The following CA10 variants were observed in gnomAD, a reference collection of about 807,000 sequenced individuals.
The protein encoded by CA10 is carbonic anhydrase-related protein 10.
A neutral mutation model predicts 44.2 loss-of-function variants in CA10; 14 were observed. The observed-to-expected ratio is 0.32, with a 90% CI of 0.21 to 0.50. The LOEUF (loss-of-function observed/expected upper bound fraction) is 0.50. CA10 is among the 20% of genes least tolerant of loss of function. The pLI, the probability that CA10 is intolerant of heterozygous loss-of-function variation, is 0.99. For synonymous variants in CA10, 159 were observed against 141.6 expected (o/e 1.12, Z -0.87); for missense variants, 350 against 409.7 (o/e 0.85, Z 1.26).
At chr17:51,786,214 C>G (rs7225815) in intron 3 of CA10, among the ~76,000 whole-genome samples, 17,266 of 147,964 alleles carry the variant, frequency 0.12, 1,333 homozygotes, top group African/African-American at 0.23. Flanking sequence ...CTTTGTGTGT[C>G]TGTGTGTGTG....
chr17:52,141,425 G>A (rs1205225526), intron 1 of CA10, among the ~76,000 whole-genome samples: 3 of 152,148 alleles, frequency 2.0e-5, no homozygotes, highest in African/African-American at 4.8e-5. Flanking sequence ...ATCCCTTACT[G>A]AAGAAAAAAT....
At chr17:51,870,630 G>A (rs1372767860) in intron 3 of CA10, among the ~76,000 whole-genome samples, 1 of 152,200 alleles carries the variant, frequency 6.6e-6, no homozygotes, top group East Asian at 1.9e-4. Flanking sequence ...TATTATATAT[G>A]AGCACTTATT....
At chr17:51,681,916 G>T (rs1048923655) in intron 4 of CA10, among the ~76,000 whole-genome samples, 1 of 152,140 alleles carries the variant, frequency 6.6e-6, no homozygotes, top group African/African-American at 2.4e-5. Context: ...GTGGGAACAT[G>T]GGGTATTTGA....
chr17:52,004,908 C>T lies in CA10; in HGVS notation c.136+67411G>A, dbSNP rs1985545766. 5.9e-5 allele frequency among the ~76,000 whole-genome samples: 9 copies of T among 151,978 alleles called. No homozygotes were observed. The South Asian group carries it at 1.9e-3, about 31-fold the overall frequency. ...TATTTTTAGCCTCTGAAGAAATTTG[C>T]TAATTGTTCTCAGACATCCAAAGCT... is the stretch of plus-strand genomic sequence containing the variant. On this transcript the variant is annotated intron_variant, in intron 2 of 8. Coordinates refer to ENST00000451037, the MANE Select transcript of CA10 (RefSeq NM_020178.5).
intron 4 of CA10, among the ~76,000 whole-genome samples, chr17:51,682,774 G>A (rs1914886637): frequency 2.0e-5 from 3 of 149,458 alleles, no homozygotes; most frequent in Admixed American, 6.8e-5. Flanking sequence ...ATGGAAAGAC[G>A]GAACACGCCC....
At chr17:52,006,096 A>C (rs963585716) in intron 2 of CA10, among the ~76,000 whole-genome samples, 3 of 151,866 alleles carry the variant, frequency 2.0e-5, no homozygotes, top group African/African-American at 7.2e-5. Flanking sequence ...CACATACTAT[A>C]AAATCGCTGA....
At chr17:52,023,110 C>T (rs1986193619) in intron 2 of CA10, among the ~76,000 whole-genome samples, 1 of 151,970 alleles carries the variant, frequency 6.6e-6, no homozygotes, top group Admixed American at 6.6e-5. Context: ...AATATCAATC[C>T]TAAAATTCAT....
chr17:51,966,223 G>A (rs527584291), intron 2 of CA10, among the ~76,000 whole-genome samples: 16 of 151,706 alleles, frequency 1.1e-4, no homozygotes, highest in South Asian at 6.2e-4. Flanking sequence ...TGACACAGAC[G>A]GAAGAACATT....
At chr17:52,050,902 A>G (rs1987046364) in intron 2 of CA10, among the ~76,000 whole-genome samples, 3 of 152,002 alleles carry the variant, frequency 2.0e-5, no homozygotes, top group Non-Finnish European at 4.4e-5. Context: ...GGACAAGACC[A>G]TATTTGTTTT....
chr17:52,087,014 CCTAT>C (rs1229137082), intron 1 of CA10, among the ~76,000 whole-genome samples: 1 of 152,174 alleles, frequency 6.6e-6, no homozygotes, highest in Non-Finnish European at 1.5e-5. Flanking sequence ...CCTCCTACAA[CCTAT>C]CTCTTTCCCC....
Position 51,885,813 on chromosome 17 carries a change from C to T in CA10, c.279+45177G>A, listed in dbSNP as rs142060514. ...GTGCTTGGACTGTAACAGCTGCATG[C>T]TAAACACCTGTTGACCAAATGAAAG... On this transcript the variant is annotated intron_variant, in intron 3 of 8. Coordinates refer to ENST00000451037, the MANE Select transcript of CA10 (RefSeq NM_020178.5). Among the ~76,000 whole-genome samples the T allele has an allele frequency of 1.2e-3, 187 of 152,316 alleles. 4 individuals are homozygous for T. In the South Asian group the frequency reaches 0.022, roughly 18 times the overall value.
At chr17:51,690,825 G>A (rs1915171226) in intron 4 of CA10, among the ~76,000 whole-genome samples, 1 of 152,070 alleles carries the variant, frequency 6.6e-6, no homozygotes, top group African/African-American at 2.4e-5. Flanking sequence ...ATGTAAGTGA[G>A]ATCTTGTGGT....
At chr17:51,640,263 G>A (rs574619698) in intron 6 of CA10, among the ~76,000 whole-genome samples, 1 of 152,220 alleles carries the variant, frequency 6.6e-6, no homozygotes, top group South Asian at 2.1e-4. Flanking sequence ...TGGCAGTGTT[G>A]GGCAAAAGCA....
chr17:51,684,054 G>A (rs776651429), intron 4 of CA10, among the ~76,000 whole-genome samples: 1 of 152,182 alleles, frequency 6.6e-6, no homozygotes, highest in Non-Finnish European at 1.5e-5. Context: ...TTAAGTTAAG[G>A]GTCTTGAGAA....
At chr17:51,703,574 T>A (rs1597996252) in intron 4 of CA10, among the ~76,000 whole-genome samples, 1 of 152,254 alleles carries the variant, frequency 6.6e-6, no homozygotes, top group South Asian at 2.1e-4. Flanking sequence ...TTGGCAATAG[T>A]CTCTGAGCCA....
intron 6 of CA10, 87 bp from the exon 7 acceptor site, chr17:51,636,096 A>G (rs1248866903): frequency 1.5e-6 from 1 of 663,864 alleles, no homozygotes; most frequent in Non-Finnish European, 2.5e-6. Flanking sequence ...ATACATATAC[A>G]TATACATATA....
At position 51,986,158 on chromosome 17, in the gene CA10, C is replaced by T. The variant is rs553474945; in HGVS notation, c.137-55026G>A. ...AACATGGTACTGATATAAAAATAGG[C>T]ACATAGACCAATGGAACAGAATAGA... On this transcript the variant is annotated intron_variant, in intron 2 of 8. Transcript: ENST00000451037. 3.3e-5 allele frequency among the ~76,000 whole-genome samples: 5 copies of T among 152,084 alleles called. No individual in the cohort carries two copies. In the East Asian group the frequency reaches 9.7e-4, roughly 29 times the overall value.
At chr17:51,947,128 T>G (rs925115468) in intron 2 of CA10, among the ~76,000 whole-genome samples, 2 of 149,984 alleles carry the variant, frequency 1.3e-5, no homozygotes, top group African/African-American at 4.9e-5. Context: ...TGTAATTATT[T>G]AAGTATTTCT....
At chr17:51,668,153 C>G (rs1914274867) in intron 4 of CA10, among the ~76,000 whole-genome samples, 1 of 152,204 alleles carries the variant, frequency 6.6e-6, no homozygotes, top group African/African-American at 2.4e-5. Flanking sequence ...AGGGAAAGGT[C>G]TTTATCCCTT....
Sources: gnomAD v4.1 joint callset for allele counts (sites outside exome capture counted in the v4.1 genomes callset) on GRCh38, gnomAD v4.1.1 for gene constraint, MANE v1.5 for transcripts, NCBI Gene and HGNC (gene_info 2026-07-23, HGNC 2026-07-21) for gene names.